FAAP100: variants seen among roughly 807,000 people sequenced by gnomAD.
FAAP100 encodes the protein Fanconi anemia core complex-associated protein 100.
A neutral mutation model predicts 65.8 loss-of-function variants in FAAP100; 46 were observed. The ratio of observed to expected loss-of-function variants is 0.70; its 90% CI spans 0.55 to 0.89. The LOEUF (loss-of-function observed/expected upper bound fraction) is 0.89, where lower values mean the gene tolerates loss of function less well. FAAP100 is among the 40% of genes least tolerant of loss of function. The probability of loss-of-function intolerance (pLI) is 0.00; values close to 1 mark genes in which losing one functional copy is unlikely to be tolerated. For synonymous variants in FAAP100, 663 were observed against 555.1 expected (o/e 1.19, Z -2.73); for missense variants, 1,165 against 1,196.7 (o/e 0.97, Z 0.39).
At position 81,540,995 on chromosome 17, in the gene FAAP100, G is replaced by A. The variant is rs1395269932; in HGVS notation, c.2515-45C>T. On this transcript the variant is annotated intron_variant, in intron 8 of 8. Transcript: ENST00000327787. The stretch of plus-strand genomic sequence containing the variant: ...AGCTCAGGCCCCCCACCTGGCCCTG[G>A]GGATGTCACTGGGTACCTCTGGGGG... The A allele has an allele frequency of 2.6e-6, 4 of 1,524,894 alleles. No individual in the cohort carries two copies. The East Asian group carries it at 6.9e-5, about 26-fold the overall frequency. 94.5% of individuals were successfully genotyped at this position (1,524,894 alleles called of 1,614,324 possible).
chr17:81,543,941 C>A, intron 7 of FAAP100, 63 bp downstream of exon 7: 1 of 1,466,164 alleles, frequency 6.8e-7, no homozygotes, highest in South Asian at 1.2e-5. Flanking sequence ...TACAGGGTCC[C>A]ATGCAGGGAC....
At chr17:81,552,475 T>C (rs938681886), upstream of FAAP100, 17 of 725,146 alleles carry the variant, frequency 2.3e-5, no homozygotes, top group Non-Finnish European at 3.2e-5. Flanking sequence ...AAGGACGCGC[T>C]GCAGGGACTC....
Position 81,540,348 on chromosome 17 carries a change from G to A in FAAP100, c.*471C>T, listed in dbSNP as rs2033038976. ...TGACAAGGGTACCGTGGGGCACCTG[G>A]TAGTGCCACCCAGAGGGGCAGCCGG... On this transcript the variant is annotated 3_prime_UTR_variant, in exon 9 of 9. Coordinates refer to ENST00000327787, the MANE Select transcript of FAAP100 (RefSeq NM_025161.6). 1 of 401,150 alleles carries A rather than the reference G, an allele frequency of 2.5e-6. No homozygotes were observed. 24.8% of individuals were successfully genotyped at this position (401,150 alleles called of 1,614,324 possible).
At position 81,550,714 on chromosome 17, in the gene FAAP100, G is replaced by A. The variant is rs776323839; in HGVS notation, c.780C>T (p.Thr260=). 7.4e-6 allele frequency: 12 copies of A among 1,612,770 alleles called. No individual in the cohort carries two copies. Among genetic ancestry groups the A allele is most frequent in the African/African-American group, 1.3e-5 (1 of 74,942 alleles). Residue 260 remains threonine (T), a synonymous_variant, in exon 3 of 9, where the codon ACC becomes ACT. Coordinates refer to ENST00000327787, the MANE Select transcript of FAAP100 (RefSeq NM_025161.6). The part of the protein sequence containing the change: ...LCCVILKALV[T]SRSAPGDPNA... ...TTGGGTCACCAGGGGCTGACCTGGA[G>A]GTGACCAGGGCCTTCAGGATCACAC... is the stretch of plus-strand genomic sequence containing the variant.
In FAAP100 at chr17:81,540,073, C is replaced by G. The variant is rs570873116; in HGVS notation, c.*746G>C. The G allele has an allele frequency of 8.8e-6, 3 of 339,784 alleles. No individual in the cohort carries two copies. The highest frequency in any genetic ancestry group is 1.5e-5 in the Non-Finnish European group (3 of 195,702). 21.0% of individuals were successfully genotyped at this position (339,784 alleles called of 1,614,324 possible). ...GGAGGCTGGGGGCTGGGGCTCAGGG[C>G]CCCCCCCCGGGCCACAGCGCCACCC... is the stretch of plus-strand genomic sequence containing the variant. On this transcript the variant is annotated 3_prime_UTR_variant, in exon 9 of 9. Transcript: ENST00000327787.
Position 81,550,545 on chromosome 17 carries a change from G to A in FAAP100, c.949C>T (p.His317Tyr), listed in dbSNP as rs2033452986. 1.2e-6 allele frequency: 2 copies of A among 1,612,878 alleles called. No individual in the cohort carries two copies. Among genetic ancestry groups the A allele is most frequent in the Non-Finnish European group, 1.7e-6 (2 of 1,180,036 alleles). Residue 317 changes from histidine (H) to tyrosine (Y), a missense_variant, in exon 3 of 9, where the codon CAC (histidine) becomes TAC (tyrosine). Transcript: ENST00000327787. The part of the protein sequence containing the change: ...VHCDCLVAFG[H>Y]HGRMLAIKAS... ...TTGATGGCCAGCATCCGGCCGTGGT[G>A]ACCAAAGGCCACCAGGCAGTCACAG...
intron 4 of FAAP100, 128 bp from the exon 5 acceptor site, chr17:81,547,806 G>C: frequency 8.5e-7 from 1 of 1,181,138 alleles, no homozygotes; most frequent in Non-Finnish European, 1.2e-6. Flanking sequence ...GTGGAGCCAC[G>C]CCAGAGAGTG....
In FAAP100 at chr17:81,540,567, G is replaced by A; in HGVS notation, c.*252C>T. 2.2e-6 allele frequency: 1 copy of A among 459,648 alleles called. No individual in the cohort carries two copies. Among genetic ancestry groups the A allele is most frequent in the Non-Finnish European group, 3.8e-6 (1 of 265,672 alleles). 28.5% of individuals were successfully genotyped at this position (459,648 alleles called of 1,614,324 possible). On this transcript the variant is annotated 3_prime_UTR_variant, in exon 9 of 9. Coordinates refer to ENST00000327787, the MANE Select transcript of FAAP100 (RefSeq NM_025161.6). ...GGCTGCGGCCGCGGTCAGAGAAGGA[G>A]AGACACCAGCAGAGGACGCGAAGCT...
chr17:81,546,218 C>T (rs541863666), intron 5 of FAAP100, among the ~76,000 whole-genome samples: 1 of 152,242 alleles, frequency 6.6e-6, no homozygotes, highest in Non-Finnish European at 1.5e-5. Context: ...GCAGAAACAC[C>T]CCAGGGGATG....
rs1339503160 is a variant in FAAP100 at position 81,552,151 on chromosome 17, C to A, written c.165+15G>T. ...CCCCGCCCGGTCCCTCCCGCCCCCG[C>A]GGGCCGGCGCTCACGGTCAGCAGCC... On this transcript the variant is annotated intron_variant, in intron 1 of 8. Coordinates refer to ENST00000327787, the MANE Select transcript of FAAP100 (RefSeq NM_025161.6). 6.7e-7 allele frequency: 1 copy of A among 1,488,058 alleles called. No individual in the cohort carries two copies. The highest frequency in any genetic ancestry group is 8.9e-7 in the Non-Finnish European group (1 of 1,126,766). The allele number at this position is 1,488,058 out of a possible 1,614,324, so 92.2% of individuals were successfully genotyped here. A position where few individuals can be genotyped will look rare whatever the true frequency, so the allele number is the denominator to read the frequency against.
chr17:81,550,634 G>A lies in FAAP100; in HGVS notation c.860C>T (p.Ala287Val), dbSNP rs770544606. ...HLEEPVIFIG[A>V]LKTEPQAAEA... is the part of the protein sequence containing the mutation. ...TGCAGCCTGTGGCTCTGTCTTCAAG[G>A]CCCCTATGAAGATGACGGGCTCCTC... is the stretch of plus-strand genomic sequence containing the variant. Residue 287 changes from alanine to valine, a missense_variant, in exon 3 of 9, where the codon GCC (alanine) becomes GTC (valine). Transcript: ENST00000327787. 10 of 1,613,070 alleles carry A rather than the reference G, an allele frequency of 6.2e-6. No individual in the cohort carries two copies. The Admixed American group carries it at 6.7e-5, about 11-fold the overall frequency.
intron 7 of FAAP100, among the ~76,000 whole-genome samples, chr17:81,542,098 C>T (rs1165184113): frequency 8.4e-5 from 11 of 131,472 alleles, no homozygotes; most frequent in Admixed American, 1.6e-4. Context: ...ACCCAGGAGG[C>T]GGAGCTTGCA....
At position 81,541,374 on chromosome 17, in the gene FAAP100, T is replaced by G. The variant is rs14422; in HGVS notation, c.2449A>C (p.Thr817Pro). The G allele has an allele frequency of 7.4e-6, 12 of 1,610,856 alleles. No individual in the cohort carries two copies. The highest frequency in any genetic ancestry group is 1.7e-5 in the Admixed American group (1 of 59,978). The change falls in exon 8 of 9, where the codon ACC becomes CCC. Residue 817 changes from threonine (T) to proline (P), a missense_variant. By Grantham distance (38) the Thr-to-Pro change is conservative. Coordinates refer to ENST00000327787, the MANE Select transcript of FAAP100 (RefSeq NM_025161.6). ...AGATCAGGAGCGCTGGAGCCCTGGG[T>G]GGCCTGCTCTGTCACCATCGTCTGG... ...RMQTMVTEQA[T>P]QGSSAPDLRV...
intron 7 of FAAP100, among the ~76,000 whole-genome samples, chr17:81,542,986 G>C (rs1408509996): frequency 1.3e-5 from 2 of 152,234 alleles, no homozygotes; most frequent in East Asian, 1.9e-4. Context: ...CAGCCCCATC[G>C]TGGTGCCGTG....
Position 81,540,895 on chromosome 17 carries a change from G to C in FAAP100, c.2570C>G (p.Ala857Gly). Residue 857 changes from alanine (A) to glycine (G), a missense_variant, in exon 9 of 9, where the codon GCC (alanine) becomes GGC (glycine). Physicochemically the swap from Ala to Gly is moderately conservative, Grantham distance 60. Transcript: ENST00000327787. Reference sequence around the variant, plus strand: ...CCTCTGGGCGGTGGCACAGGAGCTGGCCTCATCCTCCGTGCAGAGCCGGTC... The same window carrying C: ...CCTCTGGGCGGTGGCACAGGAGCTGCCCTCATCCTCCGTGCAGAGCCGGTC... ...LRDRLCTEDE[A>G]SSCATAQRLL... is the part of the protein sequence containing the mutation. 6.3e-7 allele frequency: 1 copy of C among 1,587,252 alleles called. No individual in the cohort carries two copies. Among genetic ancestry groups the C allele is most frequent in the South Asian group, 1.1e-5 (1 of 88,200 alleles).
chr17:81,543,257 G>A (rs1168287653), intron 7 of FAAP100, among the ~76,000 whole-genome samples: 1 of 152,180 alleles, frequency 6.6e-6, no homozygotes, highest in African/African-American at 2.4e-5. Context: ...TGGGTCTCAG[G>A]GTTGGGCAGG....
intron 8 of FAAP100, among the ~76,000 whole-genome samples, 154 bp from the exon 9 acceptor site, chr17:81,541,104 C>T (rs945133173): frequency 6.6e-6 from 1 of 152,172 alleles, no homozygotes; most frequent in African/African-American, 2.4e-5. Context: ...ACATGGGACA[C>T]GCAGCCTGGC....
At chr17:81,550,219 C>A in intron 3 of FAAP100, 29 bp downstream of exon 3, 1 of 1,549,950 alleles carries the variant, frequency 6.5e-7, no homozygotes, top group Non-Finnish European at 8.7e-7. Context: ...CCTGGGCTCC[C>A]ATCTTTCATT....
At position 81,550,296 on chromosome 17, in the gene FAAP100, T is replaced by C; in HGVS notation, c.1198A>G (p.Asn400Asp). The change falls in exon 3 of 9, where the codon AAC (asparagine) becomes GAC (aspartate). Residue 400 changes from asparagine to aspartate, a missense_variant. By Grantham distance (23) the Asn-to-Asp change is conservative. Coordinates refer to ENST00000327787, the MANE Select transcript of FAAP100 (RefSeq NM_025161.6). ...LPPMLCPASL[N>D]ICSVVSLSAS... ...GACAGCGAGACGACACTGCAGATGT[T>C]CAGGCTGGCTGGGCACAGCATGGGG... The C allele has an allele frequency of 6.2e-7, 1 of 1,611,950 alleles. No homozygotes were observed. The highest frequency in any genetic ancestry group is 2.2e-5 in the East Asian group (1 of 44,854).
Sources: gnomAD v4.1 joint callset for allele counts (sites outside exome capture counted in the v4.1 genomes callset) on GRCh38, gnomAD v4.1.1 for gene constraint, MANE v1.5 for transcripts, NCBI Gene and HGNC (gene_info 2026-07-23, HGNC 2026-07-21) for gene names.